The following ITIH6 variants were observed in gnomAD, a reference collection of about 807,000 sequenced individuals.
ITIH6 encodes inter-alpha-trypsin inhibitor heavy chain family member 6, also known as inter-alpha-trypsin inhibitor heavy chain H6.
A neutral mutation model predicts 58.2 loss-of-function variants in ITIH6; 60 were observed. The ratio of observed to expected loss-of-function variants is 1.03; its 90% confidence interval spans 0.84 to 1.28. The LOEUF is 1.28. Among genes scored for constraint, ITIH6 ranks in the 50% most tolerant of loss-of-function variants. The pLI is 0.00. For synonymous variants in ITIH6, 493 were observed against 417.4 expected, an observed-to-expected ratio of 1.18 and a Z score of -2.21; for missense variants, 1,290 against 1,021.1, an observed-to-expected ratio of 1.26 and a Z score of -3.59.
rs182645617 is a variant in ITIH6 at position 54,771,716 on chromosome X, G to T, written c.903+2365C>A. Reference sequence around the variant, plus strand: ...CTTCTGAAAAGAAGACATACATGTAGACAACAAGCATACGAAAAAAATGCT... The same window carrying T: ...CTTCTGAAAAGAAGACATACATGTATACAACAAGCATACGAAAAAAATGCT... On this transcript the variant is annotated intron_variant, in intron 6 of 12. Transcript: ENST00000218436. 6.3e-5 allele frequency among the ~76,000 whole-genome samples: 7 copies of T among 111,604 alleles called. No homozygotes were observed. The East Asian group carries it at 1.7e-3, about 27-fold the overall frequency.
intron 6 of ITIH6, among the ~76,000 whole-genome samples, chrX:54,762,756 G>A (rs1928676085): frequency 8.9e-6 from 1 of 111,901 alleles, no homozygotes; most frequent in Admixed American, 9.5e-5. Flanking sequence ...TTTGAGAGAA[G>A]GGCTTATAAT....
rs758669929 is a variant in ITIH6 at position 54,788,475 on chromosome X, C to A, written c.786+5G>T. The A allele has an allele frequency of 8.3e-7, 1 of 1,206,472 alleles. No homozygotes were observed. The highest frequency in any genetic ancestry group is 1.8e-5 in the African/African-American group (1 of 57,017). ...TCCTCTCTCCTCTTCCCCAGGCCCCCTCACCTGCACGTCTCCAATGATGTC... is the reference window on the plus strand; with the variant it reads ...TCCTCTCTCCTCTTCCCCAGGCCCCATCACCTGCACGTCTCCAATGATGTC... On this transcript the variant is annotated splice_donor_5th_base_variant and intron_variant, in intron 5 of 12. Coordinates refer to ENST00000218436, the MANE Select transcript of ITIH6 (RefSeq NM_198510.3).
chrX:54,758,333 C>T lies in ITIH6; in HGVS notation c.1741G>A (p.Asp581Asn), dbSNP rs1928553263. 1 of 1,211,820 alleles carries T rather than the reference C, an allele frequency of 8.3e-7. No individual in the cohort carries two copies. The highest frequency in any genetic ancestry group is 1.7e-5 in the African/African-American group (1 of 57,875). The part of the protein sequence containing the change: ...ELLDAHFQAR[D>N]TTTRHLLAAK... ...GCCAGCAGGTGGCGAGTGGTGGTGT[C>T]ACGAGCTTGGAAGTGTGCATCCAGC... is the stretch of plus-strand genomic sequence containing the variant. The change falls in exon 8 of 13, where the codon GAC becomes AAC. Residue 581 changes from aspartate (D) to asparagine (N), a missense_variant. Asp to Asn is a conservative substitution (Grantham distance 23). Coordinates refer to ENST00000218436, the MANE Select transcript of ITIH6 (RefSeq NM_198510.3).
In ITIH6 at chrX:54,757,780, G is replaced by T; in HGVS notation, c.2294C>A (p.Pro765His). The T allele has an allele frequency of 8.3e-7, 1 of 1,211,703 alleles. No individual in the cohort carries two copies. Among genetic ancestry groups the T allele is most frequent in the Non-Finnish European group, 1.1e-6 (1 of 895,373 alleles). Reference sequence around the variant, plus strand: ...AGCTTTGGGCGAGGCTGGGATGCCAGGTTTCACAGGTGGGACTTGTGTCCT... The same window carrying T: ...AGCTTTGGGCGAGGCTGGGATGCCATGTTTCACAGGTGGGACTTGTGTCCT... ...NSRTQVPPVK[P>H]GIPASPKADT... is the part of the protein sequence containing the mutation. The change falls in exon 8 of 13, where the codon CCT becomes CAT. Residue 765 changes from proline (P) to histidine (H), a missense_variant. Coordinates refer to ENST00000218436, the MANE Select transcript of ITIH6 (RefSeq NM_198510.3).
chrX:54,796,335 G>A (rs1439553645), intron 2 of ITIH6, among the ~76,000 whole-genome samples: 2 of 112,422 alleles, frequency 1.8e-5, no homozygotes, highest in African/African-American at 6.5e-5. Flanking sequence ...TACTTAATAT[G>A]TGCCTGGAGC....
chrX:54,762,056 C>T (rs934486773), intron 6 of ITIH6, among the ~76,000 whole-genome samples: 1 of 111,799 alleles, frequency 8.9e-6, no homozygotes, highest in South Asian at 3.7e-4. Flanking sequence ...GACATTGATT[C>T]TTCCTATCCA....
intron 2 of ITIH6, among the ~76,000 whole-genome samples, chrX:54,793,515 C>G (rs960616362): frequency 1.8e-5 from 2 of 112,222 alleles, no homozygotes; most frequent in Non-Finnish European, 3.8e-5. Flanking sequence ...GTTTCACAAT[C>G]CACATCCAAT....
chrX:54,796,481 G>C (rs1377832782), intron 2 of ITIH6, among the ~76,000 whole-genome samples: 1 of 110,540 alleles, frequency 9.0e-6, no homozygotes, highest in Non-Finnish European at 1.9e-5. Context: ...GTCAGAGATT[G>C]AGACCATCCT....
Position 54,759,904 on chromosome X carries a change from G to T in ITIH6, c.927C>A (p.Ile309=), listed in dbSNP as rs1259817243. Reference sequence around the variant, plus strand: ...AGTCATTGGCTTGAAGGTCACTGAGGATCACATTCATGGCCGTTTTAGTCT... The same window carrying T: ...AGTCATTGGCTTGAAGGTCACTGAGTATCACATTCATGGCCGTTTTAGTCT... The part of the protein sequence containing the change: ...MEQTKTAMNV[I]LSDLQANDYF... The change falls in exon 7 of 13, where the codon ATC becomes ATA. Residue 309 remains isoleucine (I), a synonymous_variant. Coordinates refer to ENST00000218436, the MANE Select transcript of ITIH6 (RefSeq NM_198510.3). 8.3e-7 allele frequency: 1 copy of T among 1,208,869 alleles called. No individual in the cohort carries two copies. The highest frequency in any genetic ancestry group is 1.8e-5 in the South Asian group (1 of 56,545).
chrX:54,770,229 G>T (rs1305517772), intron 6 of ITIH6, among the ~76,000 whole-genome samples: 1 of 112,737 alleles, frequency 8.9e-6, no homozygotes, highest in Non-Finnish European at 1.9e-5. Context: ...GCCTCGCCCT[G>T]CTTCGGCTCG....
chrX:54,763,610 A>G (rs762580470), intron 6 of ITIH6, among the ~76,000 whole-genome samples: 1 of 112,301 alleles, frequency 8.9e-6, no homozygotes, highest in African/African-American at 3.2e-5. Context: ...TGAGCTTGAG[A>G]AGAATGTGTA....
Position 54,758,212 on chromosome X carries a change from CT to C in ITIH6, c.1861del (p.Arg621GlyfsTer23), listed in dbSNP as rs1569543898. The part of the protein sequence containing the change: ...VQPKQASEET[R>X]RQTSTSAGPD... The stretch of plus-strand genomic sequence containing the variant: ...CCCAGCAGAGGTGGAAGTCTGTCTC[CT>C]GGTCTCCTCACTGGCCTGTTTGGGT... On this transcript the variant is annotated frameshift_variant, in exon 8 of 13. Transcript: ENST00000218436. LOFTEE classifies it high-confidence loss of function. 3.3e-6 allele frequency: 4 copies of C among 1,211,231 alleles called. No homozygotes were observed. Among genetic ancestry groups the C allele is most frequent in the Middle Eastern group, 4.6e-4 (2 of 4,351 alleles).
In ITIH6 at chrX:54,749,948, G is replaced by A. The variant is rs149644769; in HGVS notation, c.3889C>T (p.Arg1297Cys). The change falls in exon 13 of 13, where the codon CGC becomes TGC. Residue 1297 changes from arginine to cysteine, a missense_variant. Physicochemically the swap from Arg to Cys is radical, Grantham distance 180 (BLOSUM62 -3). Coordinates refer to ENST00000218436, the MANE Select transcript of ITIH6 (RefSeq NM_198510.3). ...PRWASCWLVK[R>C]SHVELLLGHP... Reference sequence around the variant, plus strand: ...CCCAGAAGCAGCTCTACATGAGAGCGCTTCACCAGCCAGCAGGAAGCCCAG... The same window carrying A: ...CCCAGAAGCAGCTCTACATGAGAGCACTTCACCAGCCAGCAGGAAGCCCAG... The A allele has an allele frequency of 1.5e-4, 179 of 1,209,635 alleles. 1 individual carries two copies. In the African/African-American group the frequency reaches 2.5e-3, roughly 17 times the overall value.
chrX:54,758,534 G>A lies in ITIH6; in HGVS notation c.1540C>T (p.Gln514Ter), dbSNP rs1482624371. The change falls in exon 8 of 13, where the codon CAG becomes TAG. Residue 514 changes from glutamine to a stop codon, truncating the protein, a stop_gained. Coordinates refer to ENST00000218436, the MANE Select transcript of ITIH6 (RefSeq NM_198510.3). LOFTEE classifies it high-confidence loss of function. ...GCTGCCAGGTGGATGCCCAGTTCCT[G>A]TTTGCCTGGCTGCACCTGTCCTGCC... Reference protein sequence around the residue: ...VVAGQVQPGKQELGIHLAARG... With the variant: ...VVAGQVQPGK 2 of 1,211,254 alleles carry A rather than the reference G, an allele frequency of 1.7e-6. No homozygotes were observed. The highest frequency in any genetic ancestry group is 2.2e-5 in the Admixed American group (1 of 46,002).
At position 54,757,909 on chromosome X, in the gene ITIH6, C is replaced by T. The variant is rs1327338328; in HGVS notation, c.2165G>A (p.Arg722Lys). The T allele has an allele frequency of 8.3e-7, 1 of 1,209,648 alleles. No homozygotes were observed. Among genetic ancestry groups the T allele is most frequent in the Non-Finnish European group, 1.1e-6 (1 of 895,095 alleles). The change falls in exon 8 of 13, where the codon AGG (arginine) becomes AAG (lysine). Residue 722 changes from arginine to lysine, a missense_variant. Physicochemically the swap from Arg to Lys is conservative, Grantham distance 26. Coordinates refer to ENST00000218436, the MANE Select transcript of ITIH6 (RefSeq NM_198510.3). ...GGGCACAAGAATGGTAGGTTTTGTCCTGAGAGTTGGCTGGGCCAAGGTGCC... is the reference window on the plus strand; with the variant it reads ...GGGCACAAGAATGGTAGGTTTTGTCTTGAGAGTTGGCTGGGCCAAGGTGCC... ...DSGTLAQPTL[R>K]TKPTILVPSN...
At chrX:54,767,298 T>G (rs1342713112) in intron 6 of ITIH6, among the ~76,000 whole-genome samples, 1 of 108,233 alleles carries the variant, frequency 9.2e-6, no homozygotes, top group African/African-American at 3.5e-5. Flanking sequence ...TTATTAGTCT[T>G]GCTAGCGGTC....
At position 54,785,647 on chromosome X, in the gene ITIH6, C is replaced by T. The variant is rs747548722; in HGVS notation, c.786+2833G>A. 3.6e-5 allele frequency among the ~76,000 whole-genome samples: 4 copies of T among 111,812 alleles called. No homozygotes were observed. In the East Asian group the frequency reaches 1.1e-3, roughly 31 times the overall value. ...CAAAAGTCGTTTCCCCTGCGATCTG[C>T]GACAGTGAACTCTCCTTATTCTCCT... On this transcript the variant is annotated intron_variant, in intron 5 of 12. Transcript: ENST00000218436.
At chrX:54,770,382 T>G (rs982028842) in intron 6 of ITIH6, among the ~76,000 whole-genome samples, 1 of 113,024 alleles carries the variant, frequency 8.8e-6, no homozygotes, top group Non-Finnish European at 1.9e-5. Flanking sequence ...GCTGTTCCTA[T>G]TCGGCCATCT....
At chrX:54,770,080 G>T (rs894516697) in intron 6 of ITIH6, among the ~76,000 whole-genome samples, 3 of 112,453 alleles carry the variant, frequency 2.7e-5, no homozygotes, top group Non-Finnish European at 5.6e-5. Flanking sequence ...ATAGTCTCAT[G>T]GTGCGCCGTT....
Sources: allele counts gnomAD v4.1 joint callset (sites outside exome capture counted in the v4.1 genomes callset), GRCh38; gene constraint gnomAD v4.1.1; transcripts MANE v1.5; gene names NCBI Gene and HGNC (gene_info 2026-07-23, HGNC 2026-07-21).